The following PIGX variants were observed in gnomAD, a reference collection of about 807,000 sequenced individuals.
PIGX encodes the protein GPI alpha-1,4-mannosyltransferase I, stabilizing subunit.
In PIGX, 24 loss-of-function variants were observed where a neutral mutation model predicts 28.7. That is an observed-to-expected ratio of 0.84 (90% CI 0.60 to 1.17). The LOEUF is 1.17. Among genes scored for constraint, PIGX ranks in the 50% most tolerant of loss-of-function variants. PIGX has a pLI of 0.00. For missense variants in PIGX, 305 were observed against 317.8 expected (o/e 0.96, Z 0.31); for synonymous variants, 127 against 121.0 (o/e 1.05, Z -0.33).
intron 2 of PIGX, among the ~76,000 whole-genome samples, chr3:196,721,739 C>G (rs545750664): frequency 4.6e-5 from 7 of 150,726 alleles, no homozygotes; most frequent in African/African-American, 1.5e-4. Context: ...GAGCCACCAT[C>G]CCCGGCCTAT....
At chr3:196,722,649 G>A (rs952869102) in intron 3 of PIGX, 93 bp downstream of exon 3, 7 of 1,116,538 alleles carry the variant, frequency 6.3e-6, no homozygotes, top group East Asian at 4.7e-5. Flanking sequence ...TTTTCATTTT[G>A]TTAAAGTGTA....
At chr3:196,724,570 T>A (rs1165980051) in intron 3 of PIGX, among the ~76,000 whole-genome samples, 1 of 152,204 alleles carries the variant, frequency 6.6e-6, no homozygotes, top group African/African-American at 2.4e-5. Context: ...AAGAAAAGGG[T>A]ACAGGTAGAG....
chr3:196,718,137 C>T (rs1712174303), intron 2 of PIGX, among the ~76,000 whole-genome samples: 1 of 152,020 alleles, frequency 6.6e-6, no homozygotes. Context: ...GGTGAAACCC[C>T]ATCTCTACTA....
rs535271655 is a variant in PIGX at position 196,733,474 on chromosome 3, G to A, written c.634-285G>A. Among the ~76,000 whole-genome samples, 1 of 152,036 alleles carries A rather than the reference G, an allele frequency of 6.6e-6. No individual in the cohort carries two copies. The highest frequency in any genetic ancestry group is 1.5e-5 in the Non-Finnish European group (1 of 67,998). ...CTCCCAGGCTGGAGTACAGTGGCAC[G>A]ATCTCAGCTCACTGCAAACCTCCGC... On this transcript the variant is annotated intron_variant, in intron 5 of 5. Transcript: ENST00000392391. The surrounding 1 kb of genome is among the most constrained non-coding windows in gnomAD (Gnocchi z 4.3).
chr3:196,727,618 C>G (rs555037163), intron 3 of PIGX, among the ~76,000 whole-genome samples: 3 of 152,174 alleles, frequency 2.0e-5, no homozygotes, highest in Middle Eastern at 3.4e-3. Context: ...GTCTTAGGTA[C>G]CTATTTTGTC....
chr3:196,716,801 A>T, intron 1 of PIGX, 57 bp from the exon 2 acceptor site: 1 of 817,514 alleles, frequency 1.2e-6, no homozygotes, highest in Non-Finnish European at 1.8e-6. Context: ...ATAATTATTT[A>T]AATATTATTT....
chr3:196,731,866 G>A (rs1230061751), intron 5 of PIGX, among the ~76,000 whole-genome samples: 4 of 151,618 alleles, frequency 2.6e-5, no homozygotes, highest in African/African-American at 9.7e-5. Context: ...TCGCTCTGTT[G>A]CCCAGGCTGG....
In PIGX at chr3:196,728,106, A is replaced by G. The variant is rs1712598259; in HGVS notation, c.502A>G (p.Asn168Asp). 4.3e-6 allele frequency: 7 copies of G among 1,614,018 alleles called. No individual in the cohort carries two copies. Among genetic ancestry groups the G allele is most frequent in the Non-Finnish European group, 4.2e-6 (5 of 1,179,994 alleles). The change falls in exon 4 of 6, where the codon AAC (asparagine) becomes GAC (aspartate). Residue 168 changes from asparagine to aspartate, a missense_variant. Physicochemically the swap from Asn to Asp is conservative, Grantham distance 23 (BLOSUM62 1). Coordinates refer to ENST00000392391, the MANE Select transcript of PIGX (RefSeq NM_017861.4). Reference sequence around the variant, plus strand: ...TGGAGAAGCCTCGATTGTGGTCAATAACCCAGATTTGTTGATGTTTTGTGA... The same window carrying G: ...TGGAGAAGCCTCGATTGTGGTCAATGACCCAGATTTGTTGATGTTTTGTGA...
intron 4 of PIGX, among the ~76,000 whole-genome samples, chr3:196,730,261 G>A (rs6772328): frequency 0.36 from 54,570 of 151,772 alleles, 9,909 homozygotes; most frequent in East Asian, 0.55. Context: ...GTTTGAAAAA[G>A]TTCCTCTCCT....
At chr3:196,714,364 C>T (rs774044834) in intron 1 of PIGX, among the ~76,000 whole-genome samples, 2 of 151,864 alleles carry the variant, frequency 1.3e-5, no homozygotes, top group African/African-American at 2.4e-5. Flanking sequence ...CTTGGGAGGC[C>T]GATGTGGGAG....
At chr3:196,719,858 C>T (rs1167937956) in intron 2 of PIGX, among the ~76,000 whole-genome samples, 1 of 151,658 alleles carries the variant, frequency 6.6e-6, no homozygotes. Context: ...GGCGCGATCT[C>T]GGCGCACTGC....
chr3:196,730,747 C>CAAAA (rs965830812), intron 4 of PIGX, among the ~76,000 whole-genome samples: 74 of 40,378 alleles, frequency 1.8e-3, no homozygotes, highest in African/African-American at 2.0e-3. Context: ...GACTCTGTCT[C>CAAAA]AAAAAAAAAA....
At chr3:196,728,169 A>G (rs760642094) in intron 4 of PIGX, 33 bp downstream of exon 4, 3 of 1,560,412 alleles carry the variant, frequency 1.9e-6, no homozygotes, top group South Asian at 2.2e-5. Context: ...AAGGGTTGAA[A>G]CATCAGAATA....
rs1422943116 is a variant in PIGX, at chr3:196,733,623, G to C, written c.634-136G>C. 1 of 631,078 alleles carries C rather than the reference G, an allele frequency of 1.6e-6. No individual in the cohort carries two copies. Among genetic ancestry groups the C allele is most frequent in the African/African-American group, 1.8e-5 (1 of 54,772 alleles). The allele number at this position is 631,078 out of a possible 1,614,324, so 39.1% of individuals were successfully genotyped here. A position where few individuals can be genotyped will look rare whatever the true frequency, so the allele number is the denominator to read the frequency against. On this transcript the variant is annotated intron_variant, in intron 5 of 5. Coordinates refer to ENST00000392391, the MANE Select transcript of PIGX (RefSeq NM_017861.4). This position sits in a 1 kb window ranked among gnomAD's most constrained non-coding sequence, Gnocchi z 4.3. ...GATGGTTTAGTAGAGATGTTGGCCA[G>C]GCTGGTTTTGAACTCCTGACCTCAA...
At chr3:196,730,969 T>C in intron 4 of PIGX, 23 bp from the exon 5 acceptor site, 1 of 1,451,856 alleles carries the variant, frequency 6.9e-7, no homozygotes, top group Non-Finnish European at 9.7e-7. Flanking sequence ...TTTTCTGACA[T>C]CATTTTCTAC....
intron 3 of PIGX, among the ~76,000 whole-genome samples, chr3:196,724,462 G>T (rs529746311): frequency 2.0e-5 from 3 of 152,112 alleles, no homozygotes; most frequent in African/African-American, 7.2e-5. Flanking sequence ...ATCACTTACC[G>T]TGTTCTAAGA....
At chr3:196,713,380 A>G (rs570507602) in intron 1 of PIGX, among the ~76,000 whole-genome samples, 120 of 151,588 alleles carry the variant, frequency 7.9e-4, no homozygotes, top group African/African-American at 2.8e-3. Flanking sequence ...GGCTCACTGC[A>G]ACCTCCGCCT....
chr3:196,728,068 C>A lies in PIGX; in HGVS notation c.464C>A (p.Pro155Gln), dbSNP rs2291397. ...CCTGTGCACTGCCGCTATCATCGGC[C>A]GCACAGTGAAGATGGAGAAGCCTCG... Residue 155 changes from proline to glutamine, a missense_variant, in exon 4 of 6, where the codon CCG becomes CAG. By Grantham distance (76) the Pro-to-Gln change is moderately conservative (BLOSUM62 -1). Coordinates refer to ENST00000392391, the MANE Select transcript of PIGX (RefSeq NM_017861.4). 1 of 1,614,044 alleles carries A rather than the reference C, an allele frequency of 6.2e-7. No individual in the cohort carries two copies. Among genetic ancestry groups the A allele is most frequent in the Non-Finnish European group, 8.5e-7 (1 of 1,179,996 alleles).
intron 3 of PIGX, among the ~76,000 whole-genome samples, chr3:196,723,127 A>G (rs1473605740): frequency 6.6e-6 from 1 of 152,168 alleles, no homozygotes; most frequent in African/African-American, 2.4e-5. Flanking sequence ...AGATTGCCTG[A>G]GCTTGGGAAT....
Sources: gnomAD v4.1 joint callset for allele counts (sites outside exome capture counted in the v4.1 genomes callset) on GRCh38, gnomAD v4.1.1 for gene constraint, Gnocchi (gnomAD v3.1) non-coding constraint, MANE v1.5 for transcripts, NCBI Gene and HGNC (gene_info 2026-07-23, HGNC 2026-07-21) for gene names.